Variants in STPG2 observed in about 807,000 individuals in gnomAD.
STPG2 encodes sperm tail PG-rich repeat containing 2.
In STPG2, 56 loss-of-function variants were observed where a neutral mutation model predicts 54.2. The ratio of observed to expected loss-of-function variants is 1.03; its 90% CI spans 0.83 to 1.29. The LOEUF (loss-of-function observed/expected upper bound fraction) is 1.29, where lower values mean the gene tolerates loss of function less well. STPG2 is among the 50% of genes most tolerant of loss of function. STPG2 has a pLI of 0.00. For synonymous variants in STPG2, 200 were observed against 181.8 expected, an observed-to-expected ratio of 1.10 and a Z score of -0.81; for missense variants, 596 against 544.9, an observed-to-expected ratio of 1.09 and a Z score of -0.93.
Position 98,060,986 on chromosome 4 carries a change from A to G in STPG2, c.612+44967T>C, listed in dbSNP as rs577891099. 5.9e-4 allele frequency among the ~76,000 whole-genome samples: 90 copies of G among 152,294 alleles called. 1 individual carries two copies. The highest frequency in any genetic ancestry group is 1.8e-3 in the African/African-American group (74 of 41,568). ...AACCCTGGAAGACAACCTAGACAAT[A>G]CCATCCAGTACATAGGAATGGGCAA... On this transcript the variant is annotated intron_variant, in intron 5 of 10. Transcript: ENST00000295268.
chr4:98,030,944 T>C (rs529940324), intron 5 of STPG2, among the ~76,000 whole-genome samples: 2 of 152,240 alleles, frequency 1.3e-5, no homozygotes, highest in Admixed American at 6.5e-5. Context: ...AGAGCCTGCA[T>C]AGCCAAAGCA....
intron 5 of STPG2, among the ~76,000 whole-genome samples, chr4:98,021,041 T>C (rs989594686): frequency 6.6e-6 from 1 of 152,186 alleles, no homozygotes; most frequent in Non-Finnish European, 1.5e-5. Context: ...TGATTTTAGT[T>C]ATTTCTTGCC....
chr4:97,454,372 G>A (rs1287738314), intron 4 of STPG2, among the ~76,000 whole-genome samples: 4 of 149,946 alleles, frequency 2.7e-5, no homozygotes, highest in Admixed American at 6.6e-5. Flanking sequence ...AATTAGCCGG[G>A]CGCGGTGGCG....
intron 9 of STPG2, among the ~76,000 whole-genome samples, chr4:97,726,121 A>G (rs1215706101): frequency 6.6e-6 from 1 of 151,892 alleles, no homozygotes; most frequent in African/African-American, 2.4e-5. Context: ...CCAAACAAAA[A>G]CAGATCAATG....
At chr4:97,544,708 A>C (rs1731796713) in intron 4 of STPG2, among the ~76,000 whole-genome samples, 1 of 152,126 alleles carries the variant, frequency 6.6e-6, no homozygotes, top group Admixed American at 6.5e-5. Flanking sequence ...ACCAGGATAA[A>C]GGTGACATAG....
At chr4:97,734,803 T>C (rs1420339828) in intron 9 of STPG2, among the ~76,000 whole-genome samples, 2 of 151,968 alleles carry the variant, frequency 1.3e-5, no homozygotes, top group African/African-American at 4.8e-5. Context: ...CCGGGGGCGG[T>C]GGCTCATGCC....
intron 8 of STPG2, among the ~76,000 whole-genome samples, chr4:97,881,844 T>G (rs1345897216): frequency 6.6e-6 from 1 of 152,174 alleles, no homozygotes; most frequent in Non-Finnish European, 1.5e-5. Context: ...CACCCTTGGT[T>G]AGTCAGACTT....
chr4:97,563,279 A>G (rs1299174073), intron 10 of STPG2, among the ~76,000 whole-genome samples: 2 of 150,948 alleles, frequency 1.3e-5, no homozygotes, highest in Admixed American at 6.6e-5. Context: ...CTGTGGGATC[A>G]GTGGTGATAT....
intron 10 of STPG2, among the ~76,000 whole-genome samples, chr4:97,618,945 G>T (rs1259463190): frequency 6.6e-6 from 1 of 152,098 alleles, no homozygotes; most frequent in Non-Finnish European, 1.5e-5. Context: ...ACATAACATA[G>T]CTCAATGATT....
At chr4:97,803,423 T>G (rs765315906) in intron 9 of STPG2, among the ~76,000 whole-genome samples, 6 of 152,186 alleles carry the variant, frequency 3.9e-5, no homozygotes, top group Non-Finnish European at 7.3e-5. Flanking sequence ...AAACATTAAC[T>G]TTTTACCACA....
At chr4:98,106,826 A>G (rs988170751) in intron 4 of STPG2, among the ~76,000 whole-genome samples, 2 of 152,184 alleles carry the variant, frequency 1.3e-5, no homozygotes, top group African/African-American at 4.8e-5. Context: ...AGCTATTATT[A>G]TTGCAAGAAT....
At chr4:97,532,608 T>C (rs886631405) in intron 4 of STPG2, among the ~76,000 whole-genome samples, 1 of 152,172 alleles carries the variant, frequency 6.6e-6, no homozygotes, top group Non-Finnish European at 1.5e-5. Flanking sequence ...TGAGTTATAA[T>C]ATAAATTAAC....
At chr4:97,502,906 C>T (rs1245047673) in intron 4 of STPG2, among the ~76,000 whole-genome samples, 2 of 151,918 alleles carry the variant, frequency 1.3e-5, no homozygotes, top group African/African-American at 4.8e-5. Context: ...CTCTCTCTCT[C>T]ATTCACTCTC....
intron 10 of STPG2, among the ~76,000 whole-genome samples, chr4:97,638,040 A>G (rs572560036): frequency 1.6e-3 from 247 of 152,258 alleles, no homozygotes; most frequent in African/African-American, 5.7e-3. Flanking sequence ...CGCCAAGTCA[A>G]TCCTAAGCCA....
chr4:97,673,662 T>C (rs1465420495), intron 10 of STPG2, among the ~76,000 whole-genome samples: 1 of 128,088 alleles, frequency 7.8e-6, no homozygotes, highest in East Asian at 2.2e-4. Context: ...TTAAAGAATA[T>C]ACGGCTTTAT....
intron 10 of STPG2, among the ~76,000 whole-genome samples, chr4:97,580,172 C>T (rs888389512): frequency 2.0e-5 from 3 of 151,924 alleles, no homozygotes; most frequent in Non-Finnish European, 4.4e-5. Context: ...AGCTCTTCAG[C>T]AGCAGTCAAA....
intron 8 of STPG2, among the ~76,000 whole-genome samples, chr4:97,879,829 A>G (rs1008167280): frequency 1.3e-5 from 2 of 152,190 alleles, no homozygotes; most frequent in Non-Finnish European, 2.9e-5. Context: ...GGAAAAGGGA[A>G]CCCCTGTATA....
chr4:97,789,533 A>G (rs1726928269), intron 9 of STPG2, among the ~76,000 whole-genome samples: 1 of 152,044 alleles, frequency 6.6e-6, no homozygotes, highest in Admixed American at 6.6e-5. Flanking sequence ...TTCGATCTAC[A>G]TTTTACATCA....
intron 4 of STPG2, among the ~76,000 whole-genome samples, chr4:97,500,889 C>T (rs1331388311): frequency 1.3e-5 from 2 of 151,866 alleles, no homozygotes; most frequent in Admixed American, 1.3e-4. Context: ...GGGCAACTAA[C>T]TATAGAAAAT....
Sources: allele counts gnomAD v4.1 joint callset (sites outside exome capture counted in the v4.1 genomes callset), GRCh38; gene constraint gnomAD v4.1.1; transcripts MANE v1.5; gene names NCBI Gene and HGNC (gene_info 2026-07-23, HGNC 2026-07-21).